Variants in SAMD12 observed in about 807,000 individuals in gnomAD.
SAMD12 encodes sterile alpha motif domain-containing protein 12.
Under a neutral mutation model 15.0 loss-of-function variants are expected in SAMD12, and 9 were observed. The observed-to-expected ratio is 0.60, with a 90% CI of 0.36 to 1.05. The LOEUF (loss-of-function observed/expected upper bound fraction) is 1.05. Ranked by LOEUF, SAMD12 falls within the 50% of genes least tolerant of loss-of-function variation. The pLI is 0.01. For missense variants in SAMD12, 230 were observed against 234.2 expected, an observed-to-expected ratio of 0.98 and a Z score of 0.12; for synonymous variants, 86 against 90.1, an observed-to-expected ratio of 0.96 and a Z score of 0.25.
At chr8:118,160,041 G>A in the SAMD12 span, among the ~76,000 whole-genome samples, 1 of 151,990 alleles carries the variant, frequency 6.6e-6, no homozygotes, top group African/African-American at 2.4e-5. Context: ...TTTACAACAA[G>A]ACCCAAAAGA....
intron 2 of SAMD12, among the ~76,000 whole-genome samples, chr8:118,476,704 G>C (rs764785643): frequency 7.9e-5 from 12 of 152,270 alleles, no homozygotes; most frequent in South Asian, 6.2e-4. Context: ...GGTGGCTCTA[G>C]GAACATGACA....
chr8:118,277,441 G>GTTATTCA (rs1184811948), intron 4 of SAMD12, among the ~76,000 whole-genome samples: 1 of 152,044 alleles, frequency 6.6e-6, no homozygotes, highest in East Asian at 1.9e-4. Context: ...TTCTGTAAAC[G>GTTATTCA]TCTTGTTATT....
chr8:118,229,562 C>G (rs2129914119), intron 4 of SAMD12, among the ~76,000 whole-genome samples: 1 of 152,282 alleles, frequency 6.6e-6, no homozygotes, highest in East Asian at 1.9e-4. Context: ...GCTTTTCCCA[C>G]TTCATCAAAC....
chr8:118,145,216 C>G, the SAMD12 span, among the ~76,000 whole-genome samples: 4 of 152,176 alleles, frequency 2.6e-5, no homozygotes, highest in Non-Finnish European at 5.9e-5. Flanking sequence ...TCATGCTAAA[C>G]TACATTAGCC....
chr8:118,288,153 G>T (rs964526966), intron 4 of SAMD12: 2 of 152,086 alleles, frequency 1.3e-5, no homozygotes, highest in African/African-American at 4.8e-5. Flanking sequence ...TATGATGATG[G>T]ACTCCATGCT....
chr8:118,516,486 CA>C (rs1825248386), intron 2 of SAMD12, among the ~76,000 whole-genome samples: 2 of 152,122 alleles, frequency 1.3e-5, no homozygotes, highest in Admixed American at 6.5e-5. Context: ...CTGGGTACAG[CA>C]GGGCAGACTA....
At chr8:118,590,709 C>T (rs147404358) in intron 1 of SAMD12, among the ~76,000 whole-genome samples, 5 of 152,318 alleles carry the variant, frequency 3.3e-5, no homozygotes, top group Admixed American at 6.5e-5. Context: ...TCTCATAACA[C>T]AACATGTAAA....
At chr8:118,255,617 T>C (rs967677395) in intron 4 of SAMD12, among the ~76,000 whole-genome samples, 2 of 150,242 alleles carry the variant, frequency 1.3e-5, no homozygotes, top group Non-Finnish European at 3.0e-5. Flanking sequence ...TGGTTTTTTG[T>C]CCTTGCGATA....
intron 2 of SAMD12, among the ~76,000 whole-genome samples, chr8:118,463,388 A>G (rs4075614): frequency 0.43 from 65,794 of 152,052 alleles, 17,034 homozygotes; most frequent in South Asian, 0.58. Flanking sequence ...GGATTCATCC[A>G]GGAATCACAG....
chr8:118,299,092 G>C (rs969410581), intron 4 of SAMD12, among the ~76,000 whole-genome samples: 4 of 152,058 alleles, frequency 2.6e-5, no homozygotes, highest in Admixed American at 2.6e-4. Flanking sequence ...TCTGTGTGTG[G>C]GAGACATCAA....
chr8:118,384,640 G>C (rs1398386632), intron 3 of SAMD12, among the ~76,000 whole-genome samples: 1 of 152,224 alleles, frequency 6.6e-6, no homozygotes, highest in Non-Finnish European at 1.5e-5. Context: ...CTGCTTGAGA[G>C]AGGATGCATT....
intron 4 of SAMD12, among the ~76,000 whole-genome samples, chr8:118,315,074 C>T (rs571339464): frequency 7.9e-5 from 12 of 152,270 alleles, no homozygotes; most frequent in South Asian, 4.2e-4. Flanking sequence ...TATGTTATCT[C>T]GCCTCTTGGA....
intron 2 of SAMD12, among the ~76,000 whole-genome samples, chr8:118,504,116 T>C (rs1189261893): frequency 6.6e-6 from 1 of 152,166 alleles, no homozygotes; most frequent in Non-Finnish European, 1.5e-5. Flanking sequence ...GTCAGCATAT[T>C]ATGAAATTCA....
chr8:118,212,709 TATA>T (rs1000812394), intron 4 of SAMD12, among the ~76,000 whole-genome samples: 1 of 152,206 alleles, frequency 6.6e-6, no homozygotes, highest in African/African-American at 2.4e-5. Context: ...CAAATTATAG[TATA>T]ATATTTCTGA....
At chr8:118,302,711 G>C (rs535804439) in intron 4 of SAMD12, among the ~76,000 whole-genome samples, 3 of 152,126 alleles carry the variant, frequency 2.0e-5, no homozygotes, top group Non-Finnish European at 2.9e-5. Flanking sequence ...TTTAATTTTG[G>C]GGGGAGGAAA....
At chr8:118,338,743 C>T (rs533168671) in intron 4 of SAMD12, among the ~76,000 whole-genome samples, 1 of 152,302 alleles carries the variant, frequency 6.6e-6, no homozygotes, top group South Asian at 2.1e-4. Context: ...CTCAGCCTCC[C>T]TGGGCTAGAA....
chr8:118,568,733 T>C lies in SAMD12; in HGVS notation c.192+11982A>G, dbSNP rs750270862. ...AGTTATTGACTTTAGTCAGTTATTATTGGAGAGGAGGAAAGCTTATTGACT... is the reference window on the plus strand; with the variant it reads ...AGTTATTGACTTTAGTCAGTTATTACTGGAGAGGAGGAAAGCTTATTGACT... On this transcript the variant is annotated intron_variant, in intron 2 of 3. Coordinates refer to ENST00000314727, the MANE Select transcript of SAMD12 (RefSeq NM_207506.3). Among the ~76,000 whole-genome samples the C allele has an allele frequency of 2.6e-5, 4 of 152,166 alleles. No individual in the cohort carries two copies. The South Asian group carries it at 6.2e-4, about 24-fold the overall frequency.
intron 2 of SAMD12, among the ~76,000 whole-genome samples, chr8:118,465,082 T>G (rs906503569): frequency 6.6e-6 from 1 of 152,122 alleles, no homozygotes; most frequent in Non-Finnish European, 1.5e-5. Flanking sequence ...GGCTGAAAAT[T>G]AGGATAATCT....
chr8:118,548,891 G>A (rs1302852281), intron 2 of SAMD12, among the ~76,000 whole-genome samples: 1 of 152,252 alleles, frequency 6.6e-6, no homozygotes, highest in Non-Finnish European at 1.5e-5. Context: ...CACCTGGCTT[G>A]GAGGGTCCTA....
Sources: allele counts gnomAD v4.1 joint callset (sites outside exome capture counted in the v4.1 genomes callset), GRCh38; gene constraint gnomAD v4.1.1; transcripts MANE v1.5; gene names NCBI Gene and HGNC (gene_info 2026-07-23, HGNC 2026-07-21).